The following SLCO5A1 variants were observed in gnomAD, a reference collection of about 807,000 sequenced individuals.
SLCO5A1 encodes the protein organic anion transporter polypeptide-related protein 4.
A neutral mutation model predicts 65.1 loss-of-function variants in SLCO5A1; 39 were observed. The ratio of observed to expected loss-of-function variants is 0.60; its 90% CI spans 0.46 to 0.78. SLCO5A1 has a LOEUF of 0.78. SLCO5A1 is among the 30% of genes least tolerant of loss of function. SLCO5A1 has a pLI of 0.00. For synonymous variants in SLCO5A1, 438 were observed against 415.7 expected, an observed-to-expected ratio of 1.05 and a Z score of -0.65; for missense variants, 1,029 against 1,069.4, an observed-to-expected ratio of 0.96 and a Z score of 0.53.
chr8:69,812,048 GTCCATCAA>G (rs1383988745), intron 2 of SLCO5A1, among the ~76,000 whole-genome samples: 2 of 152,182 alleles, frequency 1.3e-5, no homozygotes. Flanking sequence ...TCTCATTCGA[GTCCATCAA>G]TTTACAAATG....
chr8:69,741,836 C>A (rs10216572), intron 4 of SLCO5A1, among the ~76,000 whole-genome samples: 11,094 of 152,000 alleles, frequency 0.073, 501 homozygotes, highest in African/African-American at 0.12. Context: ...TTTTAAAAGA[C>A]CAAGGTCATG....
At chr8:69,708,212 A>G (rs1586708097) in intron 5 of SLCO5A1, among the ~76,000 whole-genome samples, 1 of 152,190 alleles carries the variant, frequency 6.6e-6, no homozygotes, top group African/African-American at 2.4e-5. Flanking sequence ...GGATTCAGAA[A>G]GACTGGAGTT....
Position 69,722,998 on chromosome 8 carries a change from C to T in SLCO5A1, c.1423+15042G>A, listed in dbSNP as rs547065752. ...TCTTTGGCAAGTTATTGGCATTTTA[C>T]GTTTACTCATGTTAGTATAAGACAC... On this transcript the variant is annotated intron_variant, in intron 5 of 9. Coordinates refer to ENST00000260126, the MANE Select transcript of SLCO5A1 (RefSeq NM_030958.3). 3.3e-5 allele frequency among the ~76,000 whole-genome samples: 5 copies of T among 152,198 alleles called. No individual in the cohort carries two copies. In the South Asian group the frequency reaches 8.3e-4, roughly 25 times the overall value.
At chr8:69,705,840 G>A (rs1586705381) in intron 5 of SLCO5A1, among the ~76,000 whole-genome samples, 1 of 152,312 alleles carries the variant, frequency 6.6e-6, no homozygotes, top group South Asian at 2.1e-4. Flanking sequence ...CAACATGTTG[G>A]CAGGATGTAA....
chr8:69,799,127 G>A (rs1192618400), intron 2 of SLCO5A1, among the ~76,000 whole-genome samples: 3 of 152,156 alleles, frequency 2.0e-5, no homozygotes, highest in Non-Finnish European at 2.9e-5. Flanking sequence ...AATGAGATTT[G>A]TGTGTGTTTG....
intron 2 of SLCO5A1, among the ~76,000 whole-genome samples, chr8:69,764,355 C>A (rs139586507): frequency 3.0e-4 from 46 of 152,266 alleles, no homozygotes; most frequent in Non-Finnish European, 4.9e-4. Context: ...TCATTCACAC[C>A]TAAATACACT....
At position 69,735,203 on chromosome 8, in the gene SLCO5A1, C is replaced by G. The variant is rs571257443; in HGVS notation, c.1423+2837G>C. Among the ~76,000 whole-genome samples, 46 of 152,292 alleles carry G rather than the reference C, an allele frequency of 3.0e-4. 4 individuals are homozygous for G. In the South Asian group the frequency reaches 9.3e-3, roughly 31 times the overall value. ...TGCCAAGGCTGTAGAGAAATAGGAA[C>G]GCTTTTACACTGTTGGTGCAAATGT... is the stretch of plus-strand genomic sequence containing the variant. On this transcript the variant is annotated intron_variant, in intron 5 of 9. Coordinates refer to ENST00000260126, the MANE Select transcript of SLCO5A1 (RefSeq NM_030958.3).
rs780643053 is a variant in SLCO5A1, at chr8:69,688,476, T to TCC, written c.1623-6135_1623-6134dup. Reference sequence around the variant, plus strand: ...GCATTAGGTATATCTCCCAATGCTATCCCTCCCCGCTCCCCCCACCCCACA... The same window carrying TCC: ...GCATTAGGTATATCTCCCAATGCTATCCCCCTCCCCGCTCCCCCCACCCCACA... On this transcript the variant is annotated intron_variant, in intron 6 of 9. Transcript: ENST00000260126. Among the ~76,000 whole-genome samples the TCC allele has an allele frequency of 1.6e-3, 248 of 152,114 alleles. 1 individual carries two copies. The highest frequency in any genetic ancestry group is 4.1e-3 in the East Asian group (21 of 5,174).
intron 5 of SLCO5A1, among the ~76,000 whole-genome samples, chr8:69,727,579 G>A (rs1334309911): frequency 3.9e-5 from 6 of 152,134 alleles, no homozygotes; most frequent in African/African-American, 1.4e-4. Context: ...CTGTGGTGAA[G>A]ACTGCAAAGC....
chr8:69,779,876 GA>G (rs1329650980), intron 2 of SLCO5A1, among the ~76,000 whole-genome samples: 6 of 152,092 alleles, frequency 3.9e-5, no homozygotes, highest in African/African-American at 1.4e-4. Context: ...TCAACCTGCA[GA>G]ATAGGAGAAA....
chr8:69,807,950 G>A (rs1022821056), intron 2 of SLCO5A1, among the ~76,000 whole-genome samples: 1 of 152,132 alleles, frequency 6.6e-6, no homozygotes, highest in African/African-American at 2.4e-5. Context: ...TGATCCGCCT[G>A]CCTCAGCCTC....
chr8:69,801,541 G>T (rs1478395043), intron 2 of SLCO5A1, among the ~76,000 whole-genome samples: 1 of 152,122 alleles, frequency 6.6e-6, no homozygotes, highest in Admixed American at 6.5e-5. Flanking sequence ...ATAGATCTTA[G>T]TCTTTCTCCA....
intron 2 of SLCO5A1, among the ~76,000 whole-genome samples, chr8:69,821,967 A>G (rs978529413): frequency 4.6e-5 from 7 of 151,962 alleles, no homozygotes; most frequent in Non-Finnish European, 1.0e-4. Context: ...CTCTACTACA[A>G]ATACAAAACT....
intron 2 of SLCO5A1, among the ~76,000 whole-genome samples, chr8:69,811,216 A>G (rs1402954677): frequency 6.6e-6 from 1 of 152,172 alleles, no homozygotes; most frequent in Non-Finnish European, 1.5e-5. Flanking sequence ...CTGGATAGAG[A>G]AAGCATAAAG....
At chr8:69,772,618 GGAAA>G (rs1818374731) in intron 2 of SLCO5A1, among the ~76,000 whole-genome samples, 1 of 148,406 alleles carries the variant, frequency 6.7e-6, no homozygotes, top group South Asian at 2.2e-4. Flanking sequence ...GGAAAGGAAA[GGAAA>G]GGAAAGGAAA....
At chr8:69,805,396 A>G (rs1376938264) in intron 2 of SLCO5A1, among the ~76,000 whole-genome samples, 3 of 152,206 alleles carry the variant, frequency 2.0e-5, no homozygotes, top group Non-Finnish European at 4.4e-5. Context: ...AGACTCAAAT[A>G]GGCTTCGGTA....
intron 9 of SLCO5A1, 47 bp from the exon 10 acceptor site, chr8:69,673,373 C>T: frequency 6.7e-7 from 1 of 1,499,612 alleles, no homozygotes. Flanking sequence ...GCACATCTTC[C>T]AAGGGAAAAC....
Position 69,755,435 on chromosome 8 carries a change from T to G in SLCO5A1, c.1247A>C (p.Lys416Thr). The change falls in exon 4 of 10, where the codon AAG becomes ACG. Residue 416 changes from lysine to threonine, a missense_variant. By Grantham distance (78) the Lys-to-Thr change is moderately conservative. Around this residue, in one of 3 missense-constraint regions of SLCO5A1, gnomAD observed 647 missense variants for 647.5 expected, o/e 1.00. Coordinates refer to ENST00000260126, the MANE Select transcript of SLCO5A1 (RefSeq NM_030958.3). The stretch of plus-strand genomic sequence containing the variant: ...GAGGTATACTTTACCTCTGACATCC[T>G]TTCCAAATCCCATCGAAGAAACTTT... ...DKKVSSMGFG[K>T]DVRDLPRAAV... 6.2e-7 allele frequency: 1 copy of G among 1,613,390 alleles called. No homozygotes were observed. The highest frequency in any genetic ancestry group is 8.5e-7 in the Non-Finnish European group (1 of 1,179,924).
intron 2 of SLCO5A1, among the ~76,000 whole-genome samples, chr8:69,792,501 G>A (rs910330113): frequency 2.0e-5 from 3 of 152,194 alleles, no homozygotes; most frequent in African/African-American, 7.2e-5. Flanking sequence ...AGGAGCCTAT[G>A]CCAGTGTTTG....
Sources: gnomAD v4.1 joint callset for allele counts (sites outside exome capture counted in the v4.1 genomes callset) on GRCh38, gnomAD v4.1.1 for gene constraint, gnomAD v4.1.1 regional missense constraint, MANE v1.5 for transcripts, NCBI Gene and HGNC (gene_info 2026-07-23, HGNC 2026-07-21) for gene names.